Variants in MCF2L observed in about 807,000 individuals in gnomAD.
MCF2L encodes guanine nucleotide exchange factor DBS.
In MCF2L, 97 loss-of-function variants were observed where a neutral mutation model predicts 153.4. The ratio of observed to expected loss-of-function variants is 0.63; its 90% CI spans 0.54 to 0.75. The LOEUF (loss-of-function observed/expected upper bound fraction) is 0.75. Among genes scored for constraint, MCF2L ranks in the 30% least tolerant of loss-of-function variants. The pLI, the probability that MCF2L is intolerant of heterozygous loss-of-function variation, is 0.00. For synonymous variants in MCF2L, 659 were observed against 632.2 expected (o/e 1.04, Z -0.64); for missense variants, 1,347 against 1,495.2 (o/e 0.90, Z 1.64).
At chr13:112,897,206 G>A (rs1594290161) in intron 1 of MCF2L, among the ~76,000 whole-genome samples, 3 of 152,226 alleles carry the variant, frequency 2.0e-5, no homozygotes, top group African/African-American at 7.2e-5. Context: ...GGTCGCTCCT[G>A]GCGTCCTAAA....
At chr13:113,091,540 C>T (rs1033771345) in intron 26 of MCF2L, among the ~76,000 whole-genome samples, 7 of 151,646 alleles carry the variant, frequency 4.6e-5, no homozygotes, top group African/African-American at 1.7e-4. Context: ...CTATAGGGCA[C>T]CCTGTTCCCT....
intron 3 of MCF2L, among the ~76,000 whole-genome samples, chr13:113,032,569 A>AT (rs1046825835): frequency 9.3e-5 from 14 of 150,746 alleles, no homozygotes; most frequent in East Asian, 3.9e-4. Flanking sequence ...CATTTTATAT[A>AT]TTTTTTTTTC....
At chr13:112,970,102 G>C (rs925672424) in intron 1 of MCF2L, among the ~76,000 whole-genome samples, 1 of 152,102 alleles carries the variant, frequency 6.6e-6, no homozygotes, top group African/African-American at 2.4e-5. Flanking sequence ...GCTTTCAGGC[G>C]GTCGCATCTG....
At chr13:112,968,924 T>C, upstream of MCF2L, 1 of 552,056 alleles carries the variant, frequency 1.8e-6, no homozygotes, top group Non-Finnish European at 3.0e-6. Flanking sequence ...TGACACGAAT[T>C]TCTAGGTGAC....
chr13:112,902,407 C>T (rs1260700394), intron 2 of MCF2L: 2 of 1,599,916 alleles, frequency 1.3e-6, no homozygotes, highest in Non-Finnish European at 1.7e-6. Flanking sequence ...TTTGATTTTG[C>T]AGGTCTCACT....
intron 4 of MCF2L, among the ~76,000 whole-genome samples, chr13:113,055,107 AG>A (rs1344233399): frequency 6.6e-6 from 1 of 152,152 alleles, no homozygotes; most frequent in East Asian, 1.9e-4. Context: ...TCCAATTCAG[AG>A]AAAATTTTAT....
chr13:112,902,230 T>C (rs2081126169), exon 2 of MCF2L: 1 of 1,612,744 alleles, frequency 6.2e-7, no homozygotes. Context: ...ATTTATCCTG[T>C]GCAAGAGACC....
intron 1 of MCF2L, among the ~76,000 whole-genome samples, chr13:112,989,891 T>C (rs1383762068): frequency 1.3e-5 from 2 of 152,350 alleles, no homozygotes; most frequent in East Asian, 3.9e-4. Flanking sequence ...GTAGGGATGG[T>C]TTCAGGGTGA....
chr13:112,978,871 T>G (rs568039711), intron 1 of MCF2L, among the ~76,000 whole-genome samples: 3 of 152,314 alleles, frequency 2.0e-5, no homozygotes, highest in Non-Finnish European at 4.4e-5. Flanking sequence ...GCACATCAGC[T>G]GTGAGGCCTG....
At chr13:112,968,381 C>T, upstream of MCF2L, 3 of 1,510,964 alleles carry the variant, frequency 2.0e-6, no homozygotes, top group South Asian at 3.8e-5. Context: ...GCGGCCATGG[C>T]CCTGCATAGA....
chr13:112,983,232 G>A lies in MCF2L; in HGVS notation c.79+13774G>A, dbSNP rs1433144458. ...TTGCAGGTTCATGGCAGCTGGGTAG[G>A]GACGGGAAGCTCCAGTAAGATTCAC... On this transcript the variant is annotated intron_variant, in intron 1 of 29. Transcript: ENST00000535094. This position sits in a 1 kb window ranked among gnomAD's most constrained non-coding sequence, Gnocchi z 4.0. Among the ~76,000 whole-genome samples the A allele has an allele frequency of 6.6e-6, 1 of 152,092 alleles. No homozygotes were observed. The highest frequency in any genetic ancestry group is 1.5e-5 in the Non-Finnish European group (1 of 68,000).
chr13:112,969,115 C>A (rs2081954735), upstream of MCF2L: 2 of 256,710 alleles, frequency 7.8e-6, no homozygotes, highest in Non-Finnish European at 7.0e-6. This position sits in a 1 kb window ranked among gnomAD's most constrained non-coding sequence, Gnocchi z 4.8. Flanking sequence ...CCCAGGTGAC[C>A]CGCGGTGGTG....
chr13:113,020,708 T>A (rs2084818603), intron 2 of MCF2L, among the ~76,000 whole-genome samples: 1 of 151,880 alleles, frequency 6.6e-6, no homozygotes, highest in Non-Finnish European at 1.5e-5. Context: ...ACTGTCCCCG[T>A]GGGGGTCAGC....
intron 3 of MCF2L, among the ~76,000 whole-genome samples, chr13:113,032,518 C>T (rs749391052): frequency 8.5e-5 from 13 of 152,162 alleles, no homozygotes; most frequent in Admixed American, 5.2e-4. Context: ...AGCGGTGTGT[C>T]GTGGCGCCCT....
chr13:112,976,505 C>G (rs2082219015), intron 1 of MCF2L, among the ~76,000 whole-genome samples: 1 of 152,178 alleles, frequency 6.6e-6, no homozygotes, highest in Non-Finnish European at 1.5e-5. Flanking sequence ...CACAGGGGAC[C>G]ACACGCGGCT....
intron 2 of MCF2L, among the ~76,000 whole-genome samples, chr13:112,961,527 G>A (rs2081825886): frequency 2.0e-5 from 3 of 152,348 alleles, no homozygotes. Flanking sequence ...TGGTGGGACT[G>A]GCCCTGCCGT....
At chr13:112,987,031 C>T (rs3011538) in intron 1 of MCF2L, among the ~76,000 whole-genome samples, 60,891 of 151,750 alleles carry the variant, frequency 0.4, 12,591 homozygotes, top group African/African-American at 0.49. Context: ...CATGAGGTCG[C>T]GGGGCCACAG....
intron 2 of MCF2L, among the ~76,000 whole-genome samples, chr13:112,931,947 A>G (rs1373139496): frequency 6.6e-6 from 1 of 152,200 alleles, no homozygotes; most frequent in Non-Finnish European, 1.5e-5. Flanking sequence ...GTCCACACTG[A>G]CGTAAATGAT....
rs1040936018 is a variant in MCF2L, at chr13:113,031,409, T to C, written c.278+6651T>C. 1.3e-5 allele frequency among the ~76,000 whole-genome samples: 2 copies of C among 151,940 alleles called. No homozygotes were observed. The highest frequency in any genetic ancestry group is 2.4e-5 in the African/African-American group (1 of 41,354). ...TCCCAGGAGGGCGCCAGCGGCATCT[T>C]TGGGGGCAGCGAACGCACCAGGGGG... is the stretch of plus-strand genomic sequence containing the variant. On this transcript the variant is annotated intron_variant, in intron 3 of 29. Transcript: ENST00000535094. The surrounding 1 kb of genome is among the most constrained non-coding windows in gnomAD (Gnocchi z 5.5).
Sources: gnomAD v4.1 joint callset for allele counts (sites outside exome capture counted in the v4.1 genomes callset) on GRCh38, gnomAD v4.1.1 for gene constraint, Gnocchi (gnomAD v3.1) non-coding constraint, MANE v1.5 for transcripts, NCBI Gene and HGNC (gene_info 2026-07-23, HGNC 2026-07-21) for gene names.